Variants in CACNA1C observed in about 807,000 individuals in gnomAD.
CACNA1C encodes voltage-dependent L-type calcium channel subunit alpha-1C.
A neutral mutation model predicts 229.0 loss-of-function variants in CACNA1C; 30 were observed. That is an observed-to-expected ratio of 0.13 (90% confidence interval 0.10 to 0.18). The LOEUF is 0.18. Ranked by LOEUF, CACNA1C falls within the 10% of genes least tolerant of loss-of-function variation. The probability of loss-of-function intolerance (pLI) is 1.00; values close to 1 mark genes in which losing one functional copy is unlikely to be tolerated. For synonymous variants in CACNA1C, 1,114 were observed against 1,132.5 expected, an observed-to-expected ratio of 0.98 and a Z score of 0.33; for missense variants, 1,658 against 2,845.0, an observed-to-expected ratio of 0.58 and a Z score of 9.49.
chr12:2,081,231 T>C lies in CACNA1C; in HGVS notation c.49+27620T>C, dbSNP rs545304448. Among the ~76,000 whole-genome samples the C allele has an allele frequency of 2.6e-5, 4 of 152,298 alleles. No homozygotes were observed. The East Asian group carries it at 7.7e-4, about 29-fold the overall frequency. On this transcript the variant is annotated intron_variant, in intron 1 of 46. Coordinates refer to ENST00000399655, the MANE Select transcript of CACNA1C (RefSeq NM_000719.7). Reference sequence around the variant, plus strand: ...TCAAAGTGCTCAGTGAATATCAAACTAGAATTCTATACAAAGCTAAATTAT... The same window carrying C: ...TCAAAGTGCTCAGTGAATATCAAACCAGAATTCTATACAAAGCTAAATTAT...
chr12:2,459,231 G>A (rs1316638441), intron 5 of CACNA1C, among the ~76,000 whole-genome samples: 2 of 144,278 alleles, frequency 1.4e-5, no homozygotes, highest in Non-Finnish European at 3.0e-5. Context: ...TAGCTAGGAT[G>A]GTTTCAATCT....
At chr12:2,341,953 T>A (rs1397353081) in intron 3 of CACNA1C, among the ~76,000 whole-genome samples, 2 of 152,184 alleles carry the variant, frequency 1.3e-5, no homozygotes, top group Non-Finnish European at 2.9e-5. Flanking sequence ...AGCCTCGGAT[T>A]TGGGGAGTGT....
intron 3 of CACNA1C, among the ~76,000 whole-genome samples, chr12:2,310,350 A>ATATATATAT (rs1555425823): frequency 1.2e-4 from 15 of 127,332 alleles, no homozygotes; most frequent in South Asian, 1.1e-3. Flanking sequence ...GTTAAAAAAA[A>ATATATATAT]AAATATATAT....
At chr12:2,163,066 T>C (rs912240139) in intron 3 of CACNA1C, among the ~76,000 whole-genome samples, 1 of 151,904 alleles carries the variant, frequency 6.6e-6, no homozygotes, top group Non-Finnish European at 1.5e-5. Flanking sequence ...GGCGTGGTGG[T>C]GCATGCTTGT....
chr12:2,282,396 C>T (rs79832477), intron 3 of CACNA1C, among the ~76,000 whole-genome samples: 2,605 of 152,276 alleles, frequency 0.017, 41 homozygotes, highest in South Asian at 0.05. Context: ...GCTGAACGCC[C>T]GGATTTCCCT....
intron 3 of CACNA1C, among the ~76,000 whole-genome samples, chr12:2,236,588 C>T (rs2067470169): frequency 6.6e-6 from 1 of 152,140 alleles, no homozygotes; most frequent in Non-Finnish European, 1.5e-5. Context: ...CTGGGTTTAA[C>T]TTGGCACTTC....
At chr12:2,447,995 C>G (rs376612709) in intron 3 of CACNA1C, among the ~76,000 whole-genome samples, 2 of 152,338 alleles carry the variant, frequency 1.3e-5, no homozygotes, top group Non-Finnish European at 2.9e-5. Context: ...TCTGCAGAGG[C>G]GAGCAGTGGA....
chr12:2,425,977 G>A (rs1457893386), intron 3 of CACNA1C, among the ~76,000 whole-genome samples: 1 of 152,134 alleles, frequency 6.6e-6, no homozygotes, highest in Non-Finnish European at 1.5e-5. Context: ...ATTCTTGTTG[G>A]GGGAACAGAT....
At position 2,633,811 on chromosome 12, in the gene CACNA1C, TG is replaced by T; in HGVS notation, c.3829-485del. Reference sequence around the variant, plus strand: ...CACTCTCTCTGTTTACCTTCTTTTATGTTTTTTTTAATTTCCTGTTTTTACC... The same window carrying T: ...CACTCTCTCTGTTTACCTTCTTTTATTTTTTTTTAATTTCCTGTTTTTACC... On this transcript the variant is annotated intron_variant, in intron 29 of 46. Transcript: ENST00000399655. The surrounding 1 kb of genome is among the most constrained non-coding windows in gnomAD (Gnocchi z 5.8). The T allele has an allele frequency of 1.4e-6, 1 of 736,588 alleles. No homozygotes were observed. Among genetic ancestry groups the T allele is most frequent in the Non-Finnish European group, 2.3e-6 (1 of 427,950 alleles). The allele number at this position is 736,588 out of a possible 1,614,324, so 45.6% of individuals were successfully genotyped here.
At chr12:2,022,539 G>T (rs2046645454) in intron 1 of CACNA1C, among the ~76,000 whole-genome samples, 1 of 151,138 alleles carries the variant, frequency 6.6e-6, no homozygotes, top group Non-Finnish European at 1.5e-5. Flanking sequence ...GGACCTCTGG[G>T]TCCAAGTGGT....
At chr12:2,685,628 G>C in intron 43 of CACNA1C, 108 bp from the exon 44 acceptor site, 1 of 780,488 alleles carries the variant, frequency 1.3e-6, no homozygotes, top group Non-Finnish European at 2.3e-6. Context: ...CAAAGTGTGC[G>C]TCCCTTCACT....
At chr12:2,204,948 AAATT>A (rs1304382833) in intron 3 of CACNA1C, among the ~76,000 whole-genome samples, 4 of 130,878 alleles carry the variant, frequency 3.1e-5, no homozygotes, top group Non-Finnish European at 5.2e-5. Context: ...AAAAAAAAAT[AAATT>A]AATTAAAAAA....
intron 3 of CACNA1C, among the ~76,000 whole-genome samples, chr12:2,196,283 AC>A (rs1428691704): frequency 6.6e-6 from 1 of 152,146 alleles, no homozygotes; most frequent in East Asian, 1.9e-4. Flanking sequence ...GCTTAGTCTA[AC>A]AGTTAACCAC....
chr12:2,112,963 G>A (rs1417860566), intron 1 of CACNA1C, among the ~76,000 whole-genome samples: 2 of 151,926 alleles, frequency 1.3e-5, no homozygotes, highest in African/African-American at 4.8e-5. Flanking sequence ...AAGCATATTA[G>A]CTCGTTTTTC....
chr12:2,344,822 C>G (rs2096964043), intron 3 of CACNA1C, among the ~76,000 whole-genome samples: 1 of 151,880 alleles, frequency 6.6e-6, no homozygotes, highest in Non-Finnish European at 1.5e-5. Context: ...GTTACTCCAT[C>G]AAAACAGTGA....
chr12:2,680,280 C>T, intron 42 of CACNA1C: 1 of 1,088,122 alleles, frequency 9.2e-7, no homozygotes, highest in Non-Finnish European at 1.3e-6. Flanking sequence ...CTGCCCAGCA[C>T]AGGATCATTC....
At chr12:2,491,093 C>G (rs1303591441) in intron 6 of CACNA1C, among the ~76,000 whole-genome samples, 1 of 152,144 alleles carries the variant, frequency 6.6e-6, no homozygotes, top group Admixed American at 6.5e-5. Context: ...GGATGAAACT[C>G]AAAACATTAT....
chr12:2,634,671 G>A (rs956938697), intron 30 of CACNA1C, among the ~76,000 whole-genome samples: 6 of 151,710 alleles, frequency 4.0e-5, no homozygotes, highest in African/African-American at 1.2e-4. Context: ...ACACTGTATC[G>A]GAGGAAGCAG....
chr12:2,170,051 G>GT (rs1566112649), intron 3 of CACNA1C, among the ~76,000 whole-genome samples: 1 of 152,110 alleles, frequency 6.6e-6, no homozygotes. Flanking sequence ...TCTCTGCCTG[G>GT]TTTTTTCCAC....
Sources: allele counts gnomAD v4.1 joint callset (sites outside exome capture counted in the v4.1 genomes callset), GRCh38; gene constraint gnomAD v4.1.1; non-coding constraint Gnocchi (gnomAD v3.1); transcripts MANE v1.5; gene names NCBI Gene and HGNC (gene_info 2026-07-23, HGNC 2026-07-21).